The following EP300 variants were observed in gnomAD, a reference collection of about 807,000 sequenced individuals.
EP300 encodes histone acetyltransferase p300.
In EP300, 31 loss-of-function variants were observed where a neutral mutation model predicts 264.0. The ratio of observed to expected loss-of-function variants is 0.12; its 90% CI spans 0.09 to 0.16. The LOEUF is 0.16. EP300 is among the 10% of genes least tolerant of loss of function. EP300 has a pLI of 1.00. For synonymous variants in EP300, 1,340 were observed against 1,045.4 expected, an observed-to-expected ratio of 1.28 and a Z score of -5.44; for missense variants, 2,766 against 3,052.9, an observed-to-expected ratio of 0.91 and a Z score of 2.21.
At position 41,179,796 on chromosome 22, in the gene EP300, T is replaced by G. The variant is rs2059230493; in HGVS notation, c.*840T>G. On this transcript the variant is annotated 3_prime_UTR_variant, in exon 31 of 31. Transcript: ENST00000263253. Reference sequence around the variant, plus strand: ...AAATTAAAAAGAGGGTAAGAAACGATTCCGGTGGGATGATTTTAACATGCA... The same window carrying G: ...AAATTAAAAAGAGGGTAAGAAACGAGTCCGGTGGGATGATTTTAACATGCA... The G allele has an allele frequency of 4.3e-6, 1 of 230,728 alleles. No homozygotes were observed. The highest frequency in any genetic ancestry group is 5.7e-5 in the Admixed American group (1 of 17,594). The allele number at this position is 230,728 out of a possible 1,614,324, so 14.3% of individuals were successfully genotyped here. A position where few individuals can be genotyped will look rare whatever the true frequency, so the allele number is the denominator to read the frequency against.
At chr22:41,130,533 AAAAAC>A (rs143829701) in intron 5 of EP300, among the ~76,000 whole-genome samples, 11,794 of 151,938 alleles carry the variant, frequency 0.078, 483 homozygotes, top group Non-Finnish European at 0.091. Context: ...TGTCTTTAAA[AAAAAC>A]AAAACAAAAC....
rs2059233237 is a variant in EP300, at chr22:41,179,896, ACACACACACACACACACACACACACACT to A, written c.*941_*968del. On this transcript the variant is annotated 3_prime_UTR_variant, in exon 31 of 31. Transcript: ENST00000263253. Reference sequence around the variant, plus strand: ...ACCCCCCACTCACACACACACACACACACACACACACACACACACACACACACTTTCTATAAAACTTGAAAATAGCAAA... The same window carrying A: ...ACCCCCCACTCACACACACACACACATTCTATAAAACTTGAAAATAGCAAA... The A allele has an allele frequency of 5.9e-6, 1 of 170,570 alleles. No individual in the cohort carries two copies. Among genetic ancestry groups the A allele is most frequent in the Non-Finnish European group, 1.2e-5 (1 of 81,778 alleles). 10.6% of individuals were successfully genotyped at this position (170,570 alleles called of 1,614,324 possible).
In EP300 at chr22:41,140,233, C is replaced by G; in HGVS notation, c.1854C>G (p.Asp618Glu). The G allele has an allele frequency of 6.2e-7, 1 of 1,612,038 alleles. No individual in the cohort carries two copies. The highest frequency in any genetic ancestry group is 8.5e-7 in the Non-Finnish European group (1 of 1,178,088). ...CATATGCTCGGAAAGTTGAAGGGGA[C>G]ATGTATGAATCTGCAAACAATCGAG... Reference protein sequence around the residue: ...LVAYARKVEGDMYESANNRAE... With the variant: ...LVAYARKVEGEMYESANNRAE... The change falls in exon 9 of 31, where the codon GAC becomes GAG. Residue 618 changes from aspartate (D) to glutamate (E), a missense_variant. Asp to Glu is a conservative substitution (Grantham distance 45). Coordinates refer to ENST00000263253, the MANE Select transcript of EP300 (RefSeq NM_001429.4).
chr22:41,166,377 A>G (rs1263200897), intron 22 of EP300, among the ~76,000 whole-genome samples: 3 of 152,136 alleles, frequency 2.0e-5, no homozygotes, highest in African/African-American at 4.8e-5. Context: ...GTGTAAACCA[A>G]TTTATATGCC....
chr22:41,168,621 C>G (rs747600273), intron 24 of EP300, 22 bp downstream of exon 24: 1 of 1,614,178 alleles, frequency 6.2e-7, no homozygotes, highest in Non-Finnish European at 8.5e-7. Flanking sequence ...TTTCACTTTT[C>G]TTCTCCTCGT....
chr22:41,125,844 CTTTTGTTTCT>C lies in EP300; in HGVS notation c.730-18_730-9del, dbSNP rs61120041. ...TAAATTTTATTGCTTATTTTGTTTT[CTTTTGTTTCT>C]TACTCTTAGATGGGAATGATGAACA... On this transcript the variant is annotated splice_polypyrimidine_tract_variant and intron_variant, in intron 2 of 30. Coordinates refer to ENST00000263253, the MANE Select transcript of EP300 (RefSeq NM_001429.4). 0.012 allele frequency: 19,587 copies of C among 1,611,928 alleles called. 1,413 individuals are homozygous for C. In the East Asian group the frequency reaches 0.18, roughly 15 times the overall value.
At chr22:41,144,811 A>G (rs771148146) in intron 10 of EP300, among the ~76,000 whole-genome samples, 42 of 152,220 alleles carry the variant, frequency 2.8e-4, no homozygotes, top group Non-Finnish European at 6.2e-4. Flanking sequence ...TTGCGGTTTT[A>G]TTTTTAAACC....
At position 41,177,230 on chromosome 22, in the gene EP300, T is replaced by G; in HGVS notation, c.5519T>G (p.Val1840Gly). 1 of 1,614,010 alleles carries G rather than the reference T, an allele frequency of 6.2e-7. No homozygotes were observed. The highest frequency in any genetic ancestry group is 1.1e-5 in the South Asian group (1 of 91,076). ...ATGGCCAGCATGCAGCGGACTGGTGTGGTTGGGCAGCAACAGGGCCTCCCT... is the reference window on the plus strand; with the variant it reads ...ATGGCCAGCATGCAGCGGACTGGTGGGGTTGGGCAGCAACAGGGCCTCCCT... The part of the protein sequence containing the change: ...RRMASMQRTG[V>G]VGQQQGLPSP... Residue 1840 changes from valine to glycine, a missense_variant, in exon 31 of 31, where the codon GTG becomes GGG. Val to Gly is a moderately radical substitution (Grantham distance 109). Coordinates refer to ENST00000263253, the MANE Select transcript of EP300 (RefSeq NM_001429.4).
intron 23 of EP300, among the ~76,000 whole-genome samples, chr22:41,166,890 G>A (rs770157043): frequency 4.6e-5 from 7 of 151,970 alleles, no homozygotes; most frequent in Non-Finnish European, 1.0e-4. Context: ...CACAAGATAC[G>A]TGTTTTTCCT....
At chr22:41,110,734 G>C (rs766366268) in intron 1 of EP300, among the ~76,000 whole-genome samples, 1 of 151,428 alleles carries the variant, frequency 6.6e-6, no homozygotes, top group Non-Finnish European at 1.5e-5. Context: ...CACACTTCCA[G>C]TGGTCCTTGG....
chr22:41,103,498 G>T (rs1244289513), intron 1 of EP300, among the ~76,000 whole-genome samples: 1 of 152,150 alleles, frequency 6.6e-6, no homozygotes, highest in African/African-American at 2.4e-5. Flanking sequence ...GCAGGGGATG[G>T]GTTGCTTTTG....
chr22:41,120,754 A>G (rs551530942), intron 2 of EP300, among the ~76,000 whole-genome samples: 67 of 152,202 alleles, frequency 4.4e-4, no homozygotes, highest in Non-Finnish European at 7.6e-4. Flanking sequence ...ATCTCTTCCT[A>G]TCACCCAGGC....
intron 20 of EP300, among the ~76,000 whole-genome samples, chr22:41,161,289 T>A (rs2059106623): frequency 6.6e-6 from 1 of 152,194 alleles, no homozygotes; most frequent in Non-Finnish European, 1.5e-5. Flanking sequence ...ATTTGGTAAA[T>A]GGCCAAGAAA....
At chr22:41,104,999 C>G (rs2058750640) in intron 1 of EP300, among the ~76,000 whole-genome samples, 1 of 151,868 alleles carries the variant, frequency 6.6e-6, no homozygotes, top group African/African-American at 2.4e-5. Flanking sequence ...CCCGTCTCTA[C>G]TAAAAATACA....
chr22:41,127,545 G>A lies in EP300; in HGVS notation c.965G>A (p.Gly322Glu), dbSNP rs759614013. The change falls in exon 4 of 31, where the codon GGG becomes GAG. Residue 322 changes from glycine (G) to glutamate (E), a missense_variant. By Grantham distance (98) the Gly-to-Glu change is moderately conservative. Transcript: ENST00000263253. ...GGCCTGGTGACTCCAGTTGCCCAAG[G>A]GATGGGTTCTGGAGCACATACAGCT... ...QPGLVTPVAQ[G>E]MGSGAHTADP... The A allele has an allele frequency of 6.2e-7, 1 of 1,614,086 alleles. No homozygotes were observed. The highest frequency in any genetic ancestry group is 1.7e-5 in the Admixed American group (1 of 60,008).
At chr22:41,101,414 C>CTTT (rs72279139) in intron 1 of EP300, among the ~76,000 whole-genome samples, 1 of 139,172 alleles carries the variant, frequency 7.2e-6, no homozygotes, top group South Asian at 2.3e-4. Flanking sequence ...TTACATGGAT[C>CTTT]TTTTTTTTTT....
intron 22 of EP300, among the ~76,000 whole-genome samples, chr22:41,164,742 G>A (rs1407303748): frequency 1.3e-5 from 2 of 151,962 alleles, no homozygotes; most frequent in East Asian, 3.9e-4. Context: ...CTTTTGTTCC[G>A]GCATCTAGAA....
chr22:41,098,516 C>T (rs1047168014), intron 1 of EP300, among the ~76,000 whole-genome samples: 5 of 152,064 alleles, frequency 3.3e-5, no homozygotes, highest in Admixed American at 6.6e-5. Flanking sequence ...GGACTACAGG[C>T]GCCCGCCACC....
In EP300 at chr22:41,150,025, C is replaced by T. The variant is rs2059034542; in HGVS notation, c.2644C>T (p.Pro882Ser). The change falls in exon 14 of 31, where the codon CCA becomes TCA. Residue 882 changes from proline (P) to serine (S), a missense_variant. Coordinates refer to ENST00000263253, the MANE Select transcript of EP300 (RefSeq NM_001429.4). ...GPQSQALHPP[P>S]RQTPTPPTTQ... ...ACAGTCCCAGGCTCTACATCCCCCT[C>T]CAAGGCAGACACCTACACCACCAAC... is the stretch of plus-strand genomic sequence containing the variant. 6.2e-7 allele frequency: 1 copy of T among 1,614,024 alleles called. No individual in the cohort carries two copies. The highest frequency in any genetic ancestry group is 2.2e-5 in the East Asian group (1 of 44,886).
Sources: allele counts gnomAD v4.1 joint callset (sites outside exome capture counted in the v4.1 genomes callset), GRCh38; gene constraint gnomAD v4.1.1; transcripts MANE v1.5; gene names NCBI Gene and HGNC (gene_info 2026-07-23, HGNC 2026-07-21).